Variants in SLC35F3 observed in about 807,000 individuals in gnomAD.
SLC35F3 encodes the protein putative thiamine transporter SLC35F3.
Under a neutral mutation model 49.9 loss-of-function variants are expected in SLC35F3, and 25 were observed. That is an observed-to-expected ratio of 0.50 (90% confidence interval 0.37 to 0.70). SLC35F3 has a LOEUF of 0.70. Among genes scored for constraint, SLC35F3 ranks in the 30% least tolerant of loss-of-function variants. SLC35F3 has a pLI of 0.00. For missense variants in SLC35F3, 525 were observed against 639.8 expected, an observed-to-expected ratio of 0.82 and a Z score of 1.94; for synonymous variants, 275 against 265.4, an observed-to-expected ratio of 1.04 and a Z score of -0.35.
At chr1:234,196,751 C>T (rs1418924007) in intron 2 of SLC35F3, among the ~76,000 whole-genome samples, 1 of 152,170 alleles carries the variant, frequency 6.6e-6, no homozygotes, top group East Asian at 1.9e-4. Context: ...ACCAGCCTGG[C>T]CAAGATGGTG....
chr1:234,154,820 G>T (rs192729024), intron 2 of SLC35F3, among the ~76,000 whole-genome samples: 61 of 152,262 alleles, frequency 4.0e-4, no homozygotes, highest in Non-Finnish European at 6.5e-4. Context: ...AGCCCTCCTT[G>T]ATCCAGAATT....
chr1:234,080,994 C>T (rs1338678402), intron 2 of SLC35F3, among the ~76,000 whole-genome samples: 3 of 152,190 alleles, frequency 2.0e-5, no homozygotes, highest in East Asian at 1.9e-4. Flanking sequence ...GTCCTCCCTA[C>T]TTGCCACAAT....
chr1:234,216,514 C>A (rs1362512270), intron 2 of SLC35F3, among the ~76,000 whole-genome samples: 1 of 152,242 alleles, frequency 6.6e-6, no homozygotes, highest in African/African-American at 2.4e-5. Flanking sequence ...CTCCCACTAA[C>A]CACCAACCCC....
intron 2 of SLC35F3, among the ~76,000 whole-genome samples, chr1:234,147,890 G>C (rs1392813267): frequency 6.6e-6 from 1 of 152,194 alleles, no homozygotes; most frequent in East Asian, 1.9e-4. Flanking sequence ...CTGGTGATTG[G>C]CATCTCTAAC....
chr1:233,987,168 T>G (rs563010149), intron 2 of SLC35F3, among the ~76,000 whole-genome samples: 1 of 152,096 alleles, frequency 6.6e-6, no homozygotes, highest in Non-Finnish European at 1.5e-5. Flanking sequence ...CACATGCCTG[T>G]AATCTCAGCT....
At chr1:234,305,468 C>T (rs146141894) in intron 3 of SLC35F3, among the ~76,000 whole-genome samples, 313 of 151,830 alleles carry the variant, frequency 2.1e-3, no homozygotes, top group Non-Finnish European at 3.4e-3. Context: ...CTGCAACCTC[C>T]GCCTTCCAGG....
chr1:234,110,908 A>G (rs1665396188), intron 2 of SLC35F3, among the ~76,000 whole-genome samples: 1 of 152,226 alleles, frequency 6.6e-6, no homozygotes, highest in Non-Finnish European at 1.5e-5. Flanking sequence ...GATCCACATT[A>G]TGGAATTGTG....
intron 6 of SLC35F3, 137 bp from the exon 7 acceptor site, chr1:234,319,961 A>T (rs1657578126): frequency 3.1e-6 from 2 of 639,158 alleles, no homozygotes; most frequent in Non-Finnish European, 5.7e-6. Context: ...CTCTGAGTTC[A>T]CTGAATCAGA....
At chr1:234,057,495 C>T (rs1664473607) in intron 2 of SLC35F3, among the ~76,000 whole-genome samples, 1 of 152,032 alleles carries the variant, frequency 6.6e-6, no homozygotes, top group Admixed American at 6.6e-5. Context: ...GATTTTTTAT[C>T]CTGCTAGTTT....
chr1:233,941,604 A>G (rs1662421783), intron 2 of SLC35F3, among the ~76,000 whole-genome samples: 1 of 152,158 alleles, frequency 6.6e-6, no homozygotes, highest in Admixed American at 6.5e-5. Flanking sequence ...GGTTCAAAAA[A>G]CCAATTATAC....
chr1:234,301,469 T>C (rs1420526493), intron 3 of SLC35F3, among the ~76,000 whole-genome samples: 1 of 152,084 alleles, frequency 6.6e-6, no homozygotes, highest in Non-Finnish European at 1.5e-5. Context: ...ATCAGAGAAA[T>C]GCAAATCAAA....
chr1:234,218,723 A>C (rs1019560962), intron 2 of SLC35F3, among the ~76,000 whole-genome samples: 3 of 152,182 alleles, frequency 2.0e-5, no homozygotes, highest in East Asian at 3.8e-4. Flanking sequence ...TTTGAGTAGG[A>C]GAGAGAATTA....
intron 2 of SLC35F3, among the ~76,000 whole-genome samples, chr1:234,163,845 T>C (rs1230075464): frequency 2.0e-5 from 3 of 152,202 alleles, no homozygotes; most frequent in Non-Finnish European, 4.4e-5. Context: ...TTTCCCCTTT[T>C]GCTGCACCTC....
intron 3 of SLC35F3, among the ~76,000 whole-genome samples, chr1:234,265,309 C>T (rs1424152205): frequency 1.3e-5 from 2 of 151,668 alleles, no homozygotes; most frequent in African/African-American, 4.9e-5. Flanking sequence ...AAAATCTCAG[C>T]ATTATTTCTT....
At chr1:234,310,921 C>A (rs773685181) in intron 4 of SLC35F3, among the ~76,000 whole-genome samples, 1 of 152,192 alleles carries the variant, frequency 6.6e-6, no homozygotes, top group Admixed American at 6.5e-5. Context: ...TCCAACCCCC[C>A]ACCCAAGAGT....
chr1:234,235,873 A>T (rs1299910601), intron 3 of SLC35F3, among the ~76,000 whole-genome samples: 1 of 152,196 alleles, frequency 6.6e-6, no homozygotes, highest in African/African-American at 2.4e-5. Context: ...CTTACGCAGG[A>T]ACCATATCGG....
chr1:234,187,663 AGAT>A (rs1285025964), intron 2 of SLC35F3, among the ~76,000 whole-genome samples: 3 of 152,210 alleles, frequency 2.0e-5, no homozygotes. Flanking sequence ...CTGAAAGTCC[AGAT>A]CATGGGAGAA....
Position 234,089,293 on chromosome 1 carries a change from G to A in SLC35F3, c.284-142124G>A, listed in dbSNP as rs1486834278. On this transcript the variant is annotated intron_variant, in intron 2 of 7. Transcript: ENST00000366618. ...ATCACCTGAAAGTCAGTCAGCCTGG[G>A]CTGTGAGGATTGTGAGGTAGAACTC... 4.6e-5 allele frequency among the ~76,000 whole-genome samples: 7 copies of A among 152,328 alleles called. No homozygotes were observed. In the East Asian group the frequency reaches 1.3e-3, roughly 29 times the overall value.
rs537684230 is a variant in SLC35F3 at position 234,071,635 on chromosome 1, A to T, written c.284-159782A>T. Among the ~76,000 whole-genome samples, 5 of 152,360 alleles carry T rather than the reference A, an allele frequency of 3.3e-5. No individual in the cohort carries two copies. In the South Asian group the frequency reaches 1.0e-3, roughly 32 times the overall value. On this transcript the variant is annotated intron_variant, in intron 2 of 7. Transcript: ENST00000366618. ...TAACATTTTTAGGAATATTTAATGA[A>T]CATTCCATGTTATTCAGATCTATGA...
Sources: allele counts gnomAD v4.1 joint callset (sites outside exome capture counted in the v4.1 genomes callset), GRCh38; gene constraint gnomAD v4.1.1; transcripts MANE v1.5; gene names NCBI Gene and HGNC (gene_info 2026-07-23, HGNC 2026-07-21).